NRXN1: variants seen among roughly 807,000 people sequenced by gnomAD.
NRXN1 encodes neurexin-1.
NRXN1 carries 39 observed loss-of-function variants against 150.9 expected under a neutral mutation model. The ratio of observed to expected loss-of-function variants is 0.26; its 90% CI spans 0.20 to 0.34. The LOEUF is 0.34. Among genes scored for constraint, NRXN1 ranks in the 10% least tolerant of loss-of-function variants. The pLI is 1.00. For synonymous variants in NRXN1, 924 were observed against 757.0 expected, an observed-to-expected ratio of 1.22 and a Z score of -3.62; for missense variants, 1,815 against 1,949.9, an observed-to-expected ratio of 0.93 and a Z score of 1.30.
At chr2:50,695,964 T>C (rs941902078) in intron 5 of NRXN1, among the ~76,000 whole-genome samples, 7 of 150,600 alleles carry the variant, frequency 4.6e-5, no homozygotes. Context: ...TGTCTCAGCC[T>C]CCCAAGCAGC....
At chr2:50,817,069 T>G (rs1326952368) in intron 5 of NRXN1, among the ~76,000 whole-genome samples, 2 of 152,048 alleles carry the variant, frequency 1.3e-5, no homozygotes, top group Non-Finnish European at 2.9e-5. Flanking sequence ...TCCCCATGTT[T>G]TCATGACTGA....
intron 8 of NRXN1, among the ~76,000 whole-genome samples, chr2:50,579,850 G>C (rs959231282): frequency 4.1e-5 from 5 of 122,836 alleles, no homozygotes; most frequent in Admixed American, 1.6e-4. Flanking sequence ...TGAACATCAG[G>C]TGCATCCTTG....
chr2:50,745,308 C>CCA (rs397814947), intron 5 of NRXN1, among the ~76,000 whole-genome samples: 2 of 147,902 alleles, frequency 1.4e-5, no homozygotes, highest in African/African-American at 5.0e-5. Flanking sequence ...TGCCCCCCCC[C>CCA]AGGACTGAAA....
chr2:50,307,339 C>A (rs1461319285), intron 17 of NRXN1, among the ~76,000 whole-genome samples: 2 of 152,048 alleles, frequency 1.3e-5, no homozygotes, highest in Non-Finnish European at 2.9e-5. Flanking sequence ...AGCTTAGAGA[C>A]ATGTCAAATT....
intron 19 of NRXN1, among the ~76,000 whole-genome samples, chr2:50,060,393 C>G (rs900190857): frequency 6.6e-6 from 1 of 152,140 alleles, no homozygotes; most frequent in African/African-American, 2.4e-5. Context: ...AGGAAGTACC[C>G]ACCTTGCTTT....
At chr2:50,651,591 G>A (rs1036687278) in intron 5 of NRXN1, among the ~76,000 whole-genome samples, 1 of 151,948 alleles carries the variant, frequency 6.6e-6, no homozygotes, top group African/African-American at 2.4e-5. Context: ...AGAGGAGATG[G>A]AGGCTGCAGC....
chr2:50,470,535 T>A (rs79589211), intron 16 of NRXN1, among the ~76,000 whole-genome samples: 1 of 151,866 alleles, frequency 6.6e-6, no homozygotes, highest in Non-Finnish European at 1.5e-5. Context: ...TTTTCAAATA[T>A]AAAATTTCCA....
intron 18 of NRXN1, chr2:50,207,451 CTT>C (rs1397653920): frequency 6.6e-6 from 1 of 151,950 alleles, no homozygotes; most frequent in Non-Finnish European, 1.5e-5. Context: ...ATTATAGTAA[CTT>C]AATATATACA....
intron 5 of NRXN1, among the ~76,000 whole-genome samples, chr2:50,821,575 T>C (rs1049983465): frequency 1.6e-4 from 25 of 152,162 alleles, no homozygotes; most frequent in Admixed American, 7.2e-4. Context: ...ATAAGCACCA[T>C]AGAAGTGCAA....
chr2:50,702,457 C>G (rs1428518863), intron 5 of NRXN1, among the ~76,000 whole-genome samples: 1 of 151,978 alleles, frequency 6.6e-6, no homozygotes, highest in Non-Finnish European at 1.5e-5. Context: ...GTTCTCTTTT[C>G]CAAGCTTCAC....
intron 2 of NRXN1, among the ~76,000 whole-genome samples, chr2:50,939,453 T>A: frequency 6.6e-6 from 1 of 152,108 alleles, no homozygotes; most frequent in East Asian, 1.9e-4. Context: ...TTATGATTTA[T>A]TATTTATAAT....
At chr2:50,822,877 T>C (rs1483875335) in intron 5 of NRXN1, among the ~76,000 whole-genome samples, 1 of 152,196 alleles carries the variant, frequency 6.6e-6, no homozygotes, top group Non-Finnish European at 1.5e-5. Context: ...GCAAATACTT[T>C]ATTTACAAAG....
intron 18 of NRXN1, among the ~76,000 whole-genome samples, chr2:50,111,883 C>G (rs112381124): frequency 6.6e-6 from 1 of 152,126 alleles, no homozygotes; most frequent in Admixed American, 6.5e-5. Flanking sequence ...AGCTTAGATG[C>G]TAATGGACCT....
intron 2 of NRXN1, among the ~76,000 whole-genome samples, chr2:51,024,693 CTTA>C (rs1670152656): frequency 6.6e-6 from 1 of 151,994 alleles, no homozygotes; most frequent in South Asian, 2.1e-4. Flanking sequence ...TTTTTATTAT[CTTA>C]TTATAGTCTT....
chr2:50,546,438 T>C, intron 9 of NRXN1, among the ~76,000 whole-genome samples: 1 of 152,198 alleles, frequency 6.6e-6, no homozygotes, highest in East Asian at 1.9e-4. Flanking sequence ...CTCTGAATCT[T>C]TGCTTATGAT....
chr2:50,250,153 C>A lies in NRXN1; in HGVS notation c.3365-13183G>T, dbSNP rs538290526. ...TGCTAATTGCTTCTCTATTCAAAGACCTTCAATGATTAAGTGACTGTCTCC... is the reference window on the plus strand; with the variant it reads ...TGCTAATTGCTTCTCTATTCAAAGAACTTCAATGATTAAGTGACTGTCTCC... On this transcript the variant is annotated intron_variant, in intron 17 of 22. Transcript: ENST00000401669. 1.1e-4 allele frequency among the ~76,000 whole-genome samples: 16 copies of A among 152,192 alleles called. No homozygotes were observed. In the East Asian group the frequency reaches 2.3e-3, roughly 22 times the overall value.
At position 50,748,257 on chromosome 2, in the gene NRXN1, A is replaced by G. The variant is rs556377008; in HGVS notation, c.833-124642T>C. Among the ~76,000 whole-genome samples the G allele has an allele frequency of 6.6e-5, 10 of 152,182 alleles. No homozygotes were observed. In the South Asian group the frequency reaches 1.9e-3, roughly 28 times the overall value. ...TGCTCCTATAGAAAGACTGCACCCA[A>G]CCGTCCCTGGAAATACCATAGGCCT... On this transcript the variant is annotated intron_variant, in intron 5 of 22. Coordinates refer to ENST00000401669, the MANE Select transcript of NRXN1 (RefSeq NM_001330078.2).
intron 5 of NRXN1, among the ~76,000 whole-genome samples, chr2:50,846,057 T>A (rs552272168): frequency 2.6e-4 from 40 of 152,218 alleles, no homozygotes; most frequent in Admixed American, 1.0e-3. Context: ...CATCAGACAG[T>A]GAGTTACTAG....
chr2:51,008,461 T>C (rs1485504838), intron 2 of NRXN1, among the ~76,000 whole-genome samples: 1 of 151,870 alleles, frequency 6.6e-6, no homozygotes, highest in Non-Finnish European at 1.5e-5. Context: ...AAATACAAAA[T>C]GAAAATAATT....
Sources: gnomAD v4.1 joint callset for allele counts (sites outside exome capture counted in the v4.1 genomes callset) on GRCh38, gnomAD v4.1.1 for gene constraint, MANE v1.5 for transcripts, NCBI Gene and HGNC (gene_info 2026-07-23, HGNC 2026-07-21) for gene names.